LRRC4C: variants seen among roughly 807,000 people sequenced by gnomAD.
LRRC4C encodes leucine-rich repeat-containing protein 4C.
Under a neutral mutation model 33.6 loss-of-function variants are expected in LRRC4C, and 5 were observed. That is an observed-to-expected ratio of 0.15 (90% CI 0.08 to 0.31). The LOEUF (loss-of-function observed/expected upper bound fraction) is 0.31, where lower values mean the gene tolerates loss of function less well. Among genes scored for constraint, LRRC4C ranks in the 10% least tolerant of loss-of-function variants. LRRC4C has a pLI of 1.00. For synonymous variants in LRRC4C, 329 were observed against 302.0 expected (o/e 1.09, Z -0.93); for missense variants, 560 against 796.7 (o/e 0.70, Z 3.58).
intron 1 of LRRC4C, among the ~76,000 whole-genome samples, chr11:41,134,447 C>T (rs1267540572): frequency 6.6e-6 from 1 of 152,094 alleles, no homozygotes; most frequent in Non-Finnish European, 1.5e-5. Flanking sequence ...AAAATATAAC[C>T]ACTAACATAG....
chr11:40,479,490 A>G (rs1953428310), intron 3 of LRRC4C, among the ~76,000 whole-genome samples: 1 of 152,130 alleles, frequency 6.6e-6, no homozygotes, highest in Admixed American at 6.6e-5. Context: ...AAGAACCGCT[A>G]TGATAGGAAG....
chr11:40,175,793 C>T (rs1430437463), intron 5 of LRRC4C, among the ~76,000 whole-genome samples: 1 of 152,194 alleles, frequency 6.6e-6, no homozygotes, highest in Non-Finnish European at 1.5e-5. Flanking sequence ...CCGTCTTCTG[C>T]TCTCCAATGG....
chr11:40,951,208 A>G (rs1354542208), intron 1 of LRRC4C, among the ~76,000 whole-genome samples: 1 of 152,014 alleles, frequency 6.6e-6, no homozygotes, highest in Non-Finnish European at 1.5e-5. Flanking sequence ...GTTTTATGTT[A>G]TTTCTGCTAA....
intron 1 of LRRC4C, among the ~76,000 whole-genome samples, chr11:41,240,534 T>C (rs1213865484): frequency 6.6e-6 from 1 of 152,186 alleles, no homozygotes; most frequent in African/African-American, 2.4e-5. Flanking sequence ...CACTCTGGTT[T>C]ATACAAGTGA....
intron 1 of LRRC4C, among the ~76,000 whole-genome samples, chr11:41,260,088 A>G (rs1948929510): frequency 6.6e-6 from 1 of 152,052 alleles, no homozygotes; most frequent in Non-Finnish European, 1.5e-5. Flanking sequence ...CATTTTTTAA[A>G]TGAAAGAATT....
chr11:40,304,793 G>T (rs901217559), intron 4 of LRRC4C, among the ~76,000 whole-genome samples: 10 of 150,722 alleles, frequency 6.6e-5, no homozygotes, highest in African/African-American at 1.7e-4. Flanking sequence ...GTGCAGTGGC[G>T]CAATCTCGGC....
chr11:41,408,230 T>C (rs544722266), intron 1 of LRRC4C, among the ~76,000 whole-genome samples: 2 of 152,308 alleles, frequency 1.3e-5, no homozygotes, highest in South Asian at 4.1e-4. Flanking sequence ...TTACATGTAG[T>C]CAGGATTAGA....
intron 3 of LRRC4C, among the ~76,000 whole-genome samples, chr11:40,586,436 C>T (rs1958748176): frequency 1.4e-5 from 2 of 147,860 alleles, no homozygotes; most frequent in Admixed American, 1.4e-4. Context: ...CCTGTTCACT[C>T]TGATGGTAGT....
intron 1 of LRRC4C, among the ~76,000 whole-genome samples, chr11:41,236,033 A>G (rs1948006647): frequency 6.6e-6 from 1 of 152,108 alleles, no homozygotes; most frequent in South Asian, 2.1e-4. Flanking sequence ...GTTCCAACAA[A>G]TGGAACAGAT....
intron 1 of LRRC4C, among the ~76,000 whole-genome samples, chr11:41,121,731 T>C (rs1474208032): frequency 6.6e-6 from 1 of 152,092 alleles, no homozygotes; most frequent in Non-Finnish European, 1.5e-5. Context: ...AGGAGGACTG[T>C]CCACATGCTA....
At chr11:40,932,467 T>C (rs1344581719) in intron 2 of LRRC4C, among the ~76,000 whole-genome samples, 3 of 152,132 alleles carry the variant, frequency 2.0e-5, no homozygotes, top group Non-Finnish European at 4.4e-5. Context: ...GCTTGGATTT[T>C]AGTTGGTTAT....
chr11:40,613,769 G>A (rs1237245721), intron 3 of LRRC4C, among the ~76,000 whole-genome samples: 1 of 151,810 alleles, frequency 6.6e-6, no homozygotes. Flanking sequence ...GATTCATGGG[G>A]TGAAGAATGG....
chr11:41,364,217 T>C (rs1432701795), intron 1 of LRRC4C, among the ~76,000 whole-genome samples: 2 of 152,226 alleles, frequency 1.3e-5, no homozygotes, highest in Admixed American at 1.3e-4. Flanking sequence ...ATGTAGCTGC[T>C]ATTCACTAGA....
intron 5 of LRRC4C, among the ~76,000 whole-genome samples, chr11:40,202,011 T>C (rs976426555): frequency 1.3e-5 from 2 of 152,112 alleles, no homozygotes; most frequent in Non-Finnish European, 2.9e-5. Flanking sequence ...ATCACAAAGA[T>C]CTTTGTTCAA....
chr11:40,912,739 G>C (rs537497800), intron 2 of LRRC4C, among the ~76,000 whole-genome samples: 8,982 of 151,498 alleles, frequency 0.059, 353 homozygotes, highest in Admixed American at 0.15. Flanking sequence ...CCAATTAAAA[G>C]ACACAGACTG....
chr11:40,429,944 T>A (rs1451515769), intron 3 of LRRC4C, among the ~76,000 whole-genome samples: 2 of 152,154 alleles, frequency 1.3e-5, no homozygotes, highest in African/African-American at 4.8e-5. Flanking sequence ...ATCTAAACAT[T>A]ATTCTCATTA....
intron 2 of LRRC4C, among the ~76,000 whole-genome samples, chr11:40,678,089 G>A (rs1050086042): frequency 6.6e-6 from 1 of 151,470 alleles, no homozygotes; most frequent in Non-Finnish European, 1.5e-5. Flanking sequence ...GGGTAGGGTG[G>A]GTTCTGCTAA....
intron 1 of LRRC4C, among the ~76,000 whole-genome samples, chr11:41,065,242 C>T (rs1197306803): frequency 6.6e-6 from 1 of 152,224 alleles, no homozygotes; most frequent in Non-Finnish European, 1.5e-5. Context: ...ATTACTGTGG[C>T]TTTTGTAGGT....
chr11:41,119,227 T>C (rs926380076), intron 1 of LRRC4C, among the ~76,000 whole-genome samples: 17 of 152,202 alleles, frequency 1.1e-4, no homozygotes, highest in African/African-American at 4.1e-4. Context: ...CATAGCATAT[T>C]TTAAATTATT....
Sources: allele counts gnomAD v4.1 joint callset (sites outside exome capture counted in the v4.1 genomes callset), GRCh38; gene constraint gnomAD v4.1.1; transcripts MANE v1.5; gene names NCBI Gene and HGNC (gene_info 2026-07-23, HGNC 2026-07-21).